The following TIGIT variants were observed in gnomAD, a reference collection of about 807,000 sequenced individuals.
TIGIT encodes T-cell immunoreceptor with Ig and ITIM domains.
In TIGIT, 11 loss-of-function variants were observed where a neutral mutation model predicts 19.6. That is an observed-to-expected ratio of 0.56 (90% CI 0.35 to 0.93). The LOEUF is 0.93. Among genes scored for constraint, TIGIT ranks in the 40% least tolerant of loss-of-function variants. The probability of loss-of-function intolerance (pLI) is 0.01; values close to 1 mark genes in which losing one functional copy is unlikely to be tolerated. For missense variants in TIGIT, 295 were observed against 303.9 expected (o/e 0.97, Z 0.22); for synonymous variants, 130 against 125.5 (o/e 1.04, Z -0.24).
chr3:114,296,505 A>G (rs1345925137), intron 2 of TIGIT, among the ~76,000 whole-genome samples: 1 of 152,236 alleles, frequency 6.6e-6, no homozygotes, highest in Non-Finnish European at 1.5e-5. Context: ...GCCCTCAGAC[A>G]GGATTTCTTA....
In TIGIT at chr3:114,302,368, C is replaced by T. The variant is rs965848489; in HGVS notation, c.498+2665C>T. On this transcript the variant is annotated intron_variant, in intron 3 of 3. Transcript: ENST00000383671. ...TTCAAGTAGTGCTCATAGACATGAA[C>T]ACTGGACAAAGGATCTTGACTTTCC... 6.6e-5 allele frequency among the ~76,000 whole-genome samples: 10 copies of T among 152,198 alleles called. 1 individual carries two copies. The highest frequency in any genetic ancestry group is 3.9e-4 in the Admixed American group (6 of 15,284).
intron 3 of TIGIT, chr3:114,307,656 G>A: frequency 5.7e-6 from 3 of 521,934 alleles, no homozygotes; most frequent in Non-Finnish European, 1.0e-5. Flanking sequence ...TTAGTGAACA[G>A]GAAGTAACAA....
chr3:114,294,244 T>C (rs2078439446), intron 1 of TIGIT, 122 bp downstream of exon 1: 11 of 729,662 alleles, frequency 1.5e-5, no homozygotes, highest in Non-Finnish European at 2.5e-5. Flanking sequence ...GAGAAAGAAA[T>C]TGCAACTTTT....
At chr3:114,296,151 TA>T in intron 2 of TIGIT, 1 of 353,238 alleles carries the variant, frequency 2.8e-6, no homozygotes, top group South Asian at 5.9e-5. Flanking sequence ...AAGCACATCT[TA>T]CCTATATTTC....
chr3:114,303,927 A>AT (rs2078514079), intron 3 of TIGIT, among the ~76,000 whole-genome samples: 2 of 147,274 alleles, frequency 1.4e-5, no homozygotes, highest in East Asian at 3.9e-4. Context: ...AACATGGGTT[A>AT]TTTTTTTATT....
chr3:114,305,907 T>TA (rs2078532024), intron 3 of TIGIT, among the ~76,000 whole-genome samples: 14 of 150,486 alleles, frequency 9.3e-5, no homozygotes, highest in South Asian at 4.3e-4. Flanking sequence ...GATAGATAGA[T>TA]GAGGAGGGAT....
At chr3:114,300,978 C>A (rs780096079) in intron 3 of TIGIT, among the ~76,000 whole-genome samples, 1 of 152,080 alleles carries the variant, frequency 6.6e-6, no homozygotes, top group African/African-American at 2.4e-5. Context: ...TATTATAATT[C>A]GGCTTACTCT....
intron 1 of TIGIT, 56 bp downstream of exon 1, chr3:114,294,178 T>TG: frequency 2.1e-6 from 3 of 1,423,824 alleles, no homozygotes; most frequent in Middle Eastern, 2.3e-4. Context: ...TAAGCTTGGT[T>TG]GGAGACTTGG....
chr3:114,299,044 G>A (rs1289069074), intron 2 of TIGIT, among the ~76,000 whole-genome samples: 5 of 152,152 alleles, frequency 3.3e-5, no homozygotes, highest in Admixed American at 6.5e-5. Context: ...CTGAGCATTC[G>A]CTATGTGTCA....
In TIGIT at chr3:114,295,563, T is replaced by C. The variant is rs749016800; in HGVS notation, c.80T>C (p.Ile27Thr). Residue 27 changes from isoleucine (I) to threonine (T), a missense_variant, in exon 2 of 4, where the codon ATA (isoleucine) becomes ACA (threonine). By Grantham distance (89) the Ile-to-Thr change is moderately conservative. Coordinates refer to ENST00000383671, the MANE Select transcript of TIGIT (RefSeq NM_173799.4). ...TCCCTAGGAATGATGACAGGCACAA[T>C]AGAAACAACGGGGAACATTTCTGCA... The part of the protein sequence containing the change: ...PLASGMMTGT[I>T]ETTGNISAEK... The C allele has an allele frequency of 2.5e-6, 4 of 1,613,814 alleles. No individual in the cohort carries two copies. Among genetic ancestry groups the C allele is most frequent in the Non-Finnish European group, 3.4e-6 (4 of 1,179,772 alleles).
chr3:114,295,237 G>A (rs1241396253), intron 1 of TIGIT, among the ~76,000 whole-genome samples: 2 of 152,108 alleles, frequency 1.3e-5, no homozygotes, highest in Non-Finnish European at 2.9e-5. Context: ...GGAAGCATAG[G>A]GCAGTGGGTG....
At chr3:114,296,838 G>A (rs2078456256) in intron 2 of TIGIT, among the ~76,000 whole-genome samples, 1 of 150,666 alleles carries the variant, frequency 6.6e-6, no homozygotes, top group Admixed American at 6.6e-5. Flanking sequence ...CAAAATATGT[G>A]TAAACTGAGA....
In TIGIT at chr3:114,308,200, T is replaced by A; in HGVS notation, c.*69T>A. Reference sequence around the variant, plus strand: ...TTATAGATGAATATATAAGCAGCTGTACTCTCCATCAGTGCTGCGTGTGTG... The same window carrying A: ...TTATAGATGAATATATAAGCAGCTGAACTCTCCATCAGTGCTGCGTGTGTG... On this transcript the variant is annotated 3_prime_UTR_variant, in exon 4 of 4. Coordinates refer to ENST00000383671, the MANE Select transcript of TIGIT (RefSeq NM_173799.4). The A allele has an allele frequency of 7.8e-7, 1 of 1,275,112 alleles. No homozygotes were observed. Among genetic ancestry groups the A allele is most frequent in the Non-Finnish European group, 1.1e-6 (1 of 884,986 alleles). 79.0% of individuals were successfully genotyped at this position (1,275,112 alleles called of 1,614,324 possible).
intron 3 of TIGIT, among the ~76,000 whole-genome samples, chr3:114,304,042 A>G (rs1332834312): frequency 2.0e-5 from 3 of 151,744 alleles, no homozygotes; most frequent in African/African-American, 7.3e-5. Context: ...TTTGTTGGCC[A>G]TTTGTATATC....
intron 3 of TIGIT, among the ~76,000 whole-genome samples, chr3:114,306,593 G>A (rs2078536674): frequency 6.6e-6 from 1 of 152,102 alleles, no homozygotes; most frequent in Admixed American, 6.5e-5. Flanking sequence ...GATAATTATG[G>A]CATTGCCTTC....
At chr3:114,299,518 C>G in intron 2 of TIGIT, 79 bp from the exon 3 acceptor site, 4 of 1,104,630 alleles carry the variant, frequency 3.6e-6, no homozygotes, top group Admixed American at 3.4e-5. Flanking sequence ...CCCTCTCTGC[C>G]GTGAAGCTCA....
intron 3 of TIGIT, among the ~76,000 whole-genome samples, chr3:114,302,775 C>CT (rs1202362221): frequency 6.6e-6 from 1 of 152,140 alleles, no homozygotes; most frequent in Non-Finnish European, 1.5e-5. Context: ...TATTCTTTTT[C>CT]TTTTTCCTTT....
chr3:114,295,733 C>G lies in TIGIT; in HGVS notation c.250C>G (p.Arg84Gly). ...GCACATCTCCCCATCCTTCAAGGAT[C>G]GAGTGGCCCCAGGTCCCGGCCTGGG... is the stretch of plus-strand genomic sequence containing the variant. ...GWHISPSFKD[R>G]VAPGPGLGLT... The change falls in exon 2 of 4, where the codon CGA (arginine) becomes GGA (glycine). Residue 84 changes from arginine (R) to glycine (G), a missense_variant. Transcript: ENST00000383671. The G allele has an allele frequency of 1.2e-6, 2 of 1,614,230 alleles. No individual in the cohort carries two copies. Among genetic ancestry groups the G allele is most frequent in the Non-Finnish European group, 1.7e-6 (2 of 1,180,042 alleles).
chr3:114,299,646 C>T lies in TIGIT; in HGVS notation c.441C>T (p.Ala147=), dbSNP rs764985530. The T allele has an allele frequency of 3.8e-5, 62 of 1,613,246 alleles. No homozygotes were observed. The highest frequency in any genetic ancestry group is 3.3e-4 in the Middle Eastern group (2 of 6,084). ...RFQIPLLGAM[A]ATLVVICTAV... ...AGATTCCATTGCTTGGAGCCATGGCCGCGACGCTGGTGGTCATCTGCACAG... is the reference window on the plus strand; with the variant it reads ...AGATTCCATTGCTTGGAGCCATGGCTGCGACGCTGGTGGTCATCTGCACAG... Residue 147 remains alanine, a synonymous_variant, in exon 3 of 4, where the codon GCC becomes GCT. Coordinates refer to ENST00000383671, the MANE Select transcript of TIGIT (RefSeq NM_173799.4).
Sources: gnomAD v4.1 joint callset for allele counts (sites outside exome capture counted in the v4.1 genomes callset) on GRCh38, gnomAD v4.1.1 for gene constraint, MANE v1.5 for transcripts, NCBI Gene and HGNC (gene_info 2026-07-23, HGNC 2026-07-21) for gene names.